GLI4: variants seen among roughly 807,000 people sequenced by gnomAD.
The protein encoded by GLI4 is zinc finger protein GLI4.
In GLI4, 34 loss-of-function variants were observed where a neutral mutation model predicts 30.9. The observed-to-expected ratio is 1.10, with a 90% CI of 0.84 to 1.47. GLI4 has a LOEUF of 1.47. Among genes scored for constraint, GLI4 ranks in the 40% most tolerant of loss-of-function variants. The pLI, the probability that GLI4 is intolerant of heterozygous loss-of-function variation, is 0.00. For synonymous variants in GLI4, 277 were observed against 236.7 expected, an observed-to-expected ratio of 1.17 and a Z score of -1.56; for missense variants, 696 against 538.9, an observed-to-expected ratio of 1.29 and a Z score of -2.89.
At chr8:143,273,865 TG>T (rs1815324684) in intron 2 of GLI4, among the ~76,000 whole-genome samples, 1 of 11,752 alleles carries the variant, frequency 8.5e-5, no homozygotes, top group Non-Finnish European at 2.5e-4. Context: ...GGCACAGCAC[TG>T]AGGGGGCAGG....
rs762672122 is a variant in GLI4, at chr8:143,274,757, C to G, written c.178C>G (p.Gln60Glu). The G allele has an allele frequency of 1.9e-6, 3 of 1,572,258 alleles. No individual in the cohort carries two copies. Among genetic ancestry groups the G allele is most frequent in the South Asian group, 2.3e-5 (2 of 86,308 alleles). Residue 60 changes from glutamine to glutamate, a missense_variant, in exon 3 of 4, where the codon CAA (glutamine) becomes GAA (glutamate). Coordinates refer to ENST00000340042, the MANE Select transcript of GLI4 (RefSeq NM_138465.4). ...CTCCCAGCCGTCCGACCTGGATCTC[C>G]AAGACGTAGAGGAAGTGGAGATCGG... ...VLSQPSDLDL[Q>E]DVEEVEIGRD...
In GLI4 at chr8:143,275,981, T is replaced by G; in HGVS notation, c.308T>G (p.Leu103Arg). Residue 103 changes from leucine to arginine, a missense_variant, in exon 4 of 4, where the codon CTC becomes CGC. Leu to Arg is a moderately radical substitution (Grantham distance 102). Coordinates refer to ENST00000340042, the MANE Select transcript of GLI4 (RefSeq NM_138465.4). ...DEGAGGALRS[L>R]LRSLPRRARC... The stretch of plus-strand genomic sequence containing the variant: ...GGGGCGGGCGGGGCGCTGCGCAGCC[T>G]CCTGAGGAGCCTTCCCCGCAGGGCC... 7.2e-7 allele frequency: 1 copy of G among 1,386,634 alleles called. No individual in the cohort carries two copies. The highest frequency in any genetic ancestry group is 9.3e-7 in the Non-Finnish European group (1 of 1,073,256). 85.9% of individuals were successfully genotyped at this position (1,386,634 alleles called of 1,614,324 possible).
At chr8:143,275,697 C>A (rs992283097) in intron 3 of GLI4, 200 bp from the exon 4 acceptor site, 3 of 1,242,252 alleles carry the variant, frequency 2.4e-6, no homozygotes, top group South Asian at 7.8e-5. Flanking sequence ...CAACGCCCCC[C>A]ACCCCTGTGT....
rs544257918 is a variant in GLI4 at position 143,276,843 on chromosome 8, C to A, written c.*39C>A. 24 of 1,298,590 alleles carry A rather than the reference C, an allele frequency of 1.8e-5. No homozygotes were observed. The East Asian group carries it at 5.7e-4, about 31-fold the overall frequency. The allele number at this position is 1,298,590 out of a possible 1,614,324, so 80.4% of individuals were successfully genotyped here. A position where few individuals can be genotyped will look rare whatever the true frequency, so the allele number is the denominator to read the frequency against. ...CGGGGCTCGGCCTCCTACCTGCCCC[C>A]AACCCACCCTCCACCCCGTCCCCCA... On this transcript the variant is annotated 3_prime_UTR_variant, in exon 4 of 4. Coordinates refer to ENST00000340042, the MANE Select transcript of GLI4 (RefSeq NM_138465.4).
At chr8:143,267,716 C>T (rs1815168589) in intron 1 of GLI4, 1 of 985,260 alleles carries the variant, frequency 1.0e-6, no homozygotes. Context: ...TAGCGGGTGT[C>T]CGTTCGCAGG....
chr8:143,273,299 G>C (rs1209430456), intron 2 of GLI4: 1 of 152,204 alleles, frequency 6.6e-6, no homozygotes, highest in Non-Finnish European at 1.5e-5. Context: ...GAGGGTATCC[G>C]AAAGACCCAA....
rs570890720 is a variant in GLI4, at chr8:143,275,915, A to C, written c.242A>C (p.Glu81Ala). The C allele has an allele frequency of 4.0e-5, 52 of 1,300,284 alleles. No homozygotes were observed. The African/African-American group carries it at 6.1e-4, about 15-fold the overall frequency. 80.5% of individuals were successfully genotyped at this position (1,300,284 alleles called of 1,614,324 possible). The part of the protein sequence containing the change: ...TFWPDSEPKP[E>A]QAPRSPGSQA... ...ATTTCAGACTCCGAGCCCAAGCCGG[A>C]GCAGGCTCCACGCTCTCCTGGCTCT... Residue 81 changes from glutamate (E) to alanine (A), a missense_variant, in exon 4 of 4, where the codon GAG becomes GCG. Coordinates refer to ENST00000340042, the MANE Select transcript of GLI4 (RefSeq NM_138465.4).
At chr8:143,275,414 G>C in intron 3 of GLI4, 2 of 1,389,048 alleles carry the variant, frequency 1.4e-6, no homozygotes, top group Non-Finnish European at 1.9e-6. Flanking sequence ...GGAAGCTCCT[G>C]GGGTGGGCAT....
chr8:143,275,185 C>T, intron 3 of GLI4: 1 of 1,535,752 alleles, frequency 6.5e-7, no homozygotes, highest in Non-Finnish European at 8.7e-7. Context: ...CCTCCTCCTG[C>T]ATCCCCTAGA....
chr8:143,268,233 G>A, intron 1 of GLI4: 1 of 273,302 alleles, frequency 3.7e-6, no homozygotes, highest in Non-Finnish European at 5.6e-6. Context: ...TGGGGTGGCG[G>A]CCGTGTGGGA....
chr8:143,275,944 GC>G lies in GLI4; in HGVS notation c.275del (p.Pro92LeufsTer13). 1 of 1,330,666 alleles carries G rather than the reference GC, an allele frequency of 7.5e-7. No homozygotes were observed. 82.4% of individuals were successfully genotyped at this position (1,330,666 alleles called of 1,614,324 possible). On this transcript the variant is annotated frameshift_variant, in exon 4 of 4. Coordinates refer to ENST00000340042, the MANE Select transcript of GLI4 (RefSeq NM_138465.4). LOFTEE classifies it low-confidence loss of function (END_TRUNC). Reference sequence around the variant, plus strand: ...GGCTCCACGCTCTCCTGGCTCTCAGGCCCCTGACGAGGGGGCGGGCGGGGCG... The same window carrying G: ...GGCTCCACGCTCTCCTGGCTCTCAGGCCCTGACGAGGGGGCGGGCGGGGCG... Reference protein sequence around the residue: ...EQAPRSPGSQAPDEGAGGALR... With the variant: ...EQAPRSPGSQXPDEGAGGALR...
chr8:143,270,053 C>T (rs1345511583), intron 2 of GLI4, among the ~76,000 whole-genome samples: 1 of 152,258 alleles, frequency 6.6e-6, no homozygotes, highest in African/African-American at 2.4e-5. Context: ...GCTCTACTCC[C>T]TCTCAGAGGT....
intron 3 of GLI4, chr8:143,275,176 C>T (rs1310149245): frequency 5.2e-6 from 8 of 1,535,822 alleles, no homozygotes; most frequent in Non-Finnish European, 6.1e-6. Flanking sequence ...GTGTCCCCTC[C>T]TCCTCCTGCA....
In GLI4 at chr8:143,275,885, T is replaced by C. The variant is rs754577811; in HGVS notation, c.224-12T>C. 6 of 1,281,012 alleles carry C rather than the reference T, an allele frequency of 4.7e-6. No individual in the cohort carries two copies. Among genetic ancestry groups the C allele is most frequent in the South Asian group, 2.8e-5 (1 of 35,992 alleles). 79.4% of individuals were successfully genotyped at this position (1,281,012 alleles called of 1,614,324 possible). A position where few individuals can be genotyped will look rare whatever the true frequency, so the allele number is the denominator to read the frequency against. ...TGCGGGTACTATCCGCCTCTGCCGT[T>C]TCTCATTTCAGACTCCGAGCCCAAG... is the stretch of plus-strand genomic sequence containing the variant. On this transcript the variant is annotated splice_polypyrimidine_tract_variant and intron_variant, in intron 3 of 3. Transcript: ENST00000340042.
Position 143,269,518 on chromosome 8 carries a change from A to G in GLI4, c.122A>G (p.His41Arg), listed in dbSNP as rs1815218906. The G allele has an allele frequency of 1.9e-6, 3 of 1,612,266 alleles. No homozygotes were observed. The highest frequency in any genetic ancestry group is 2.2e-5 in the East Asian group (1 of 44,862). The change falls in exon 2 of 4, where the codon CAT becomes CGT. Residue 41 changes from histidine (H) to arginine (R), a missense_variant and splice_region_variant. Physicochemically the swap from His to Arg is conservative, Grantham distance 29 (BLOSUM62 0). Transcript: ENST00000340042. ...CAGCTTCACCTCCATGGGCATCAACATGGTACTCACCCAGCCCGCTGTGCG... is the reference window on the plus strand; with the variant it reads ...CAGCTTCACCTCCATGGGCATCAACGTGGTACTCACCCAGCCCGCTGTGCG... ...EPQLHLHGHQ[H>R]GSPGSSPKVL...
chr8:143,268,131 C>A lies in GLI4; in HGVS notation c.-38+647C>A, dbSNP rs116173009. Reference sequence around the variant, plus strand: ...AACTAAGTAACTTGAGATGTGACTTCAGGGTGGAGGACCTGCACCCAGTGG... The same window carrying A: ...AACTAAGTAACTTGAGATGTGACTTAAGGGTGGAGGACCTGCACCCAGTGG... On this transcript the variant is annotated intron_variant, in intron 1 of 3. Coordinates refer to ENST00000340042, the MANE Select transcript of GLI4 (RefSeq NM_138465.4). 1.4e-4 allele frequency: 136 copies of A among 975,350 alleles called. No individual in the cohort carries two copies. In the African/African-American group the frequency reaches 2.2e-3, roughly 16 times the overall value. The allele number at this position is 975,350 out of a possible 1,614,324, so 60.4% of individuals were successfully genotyped here.
chr8:143,275,820 T>C, intron 3 of GLI4, 77 bp from the exon 4 acceptor site: 2 of 1,251,684 alleles, frequency 1.6e-6, no homozygotes, highest in Non-Finnish European at 1.0e-6. Flanking sequence ...AGCTCTGCTC[T>C]CACTCCCCGT....
chr8:143,271,304 C>T (rs1815263223), intron 2 of GLI4, among the ~76,000 whole-genome samples: 1 of 152,170 alleles, frequency 6.6e-6, no homozygotes, highest in African/African-American at 2.4e-5. Context: ...GGAAGGCTGT[C>T]AGGTAGCCAG....
At position 143,275,962 on chromosome 8, in the gene GLI4, G is replaced by A. The variant is rs1162353492; in HGVS notation, c.289G>A (p.Gly97Ser). The change falls in exon 4 of 4, where the codon GGC becomes AGC. Residue 97 changes from glycine (G) to serine (S), a missense_variant. By Grantham distance (56) the Gly-to-Ser change is moderately conservative. Transcript: ENST00000340042. ...CTCTCAGGCCCCTGACGAGGGGGCG[G>A]GCGGGGCGCTGCGCAGCCTCCTGAG... ...PGSQAPDEGA[G>S]GALRSLLRSL... The A allele has an allele frequency of 1.5e-6, 2 of 1,333,354 alleles. No individual in the cohort carries two copies. The highest frequency in any genetic ancestry group is 9.6e-7 in the Non-Finnish European group (1 of 1,042,446). 82.6% of individuals were successfully genotyped at this position (1,333,354 alleles called of 1,614,324 possible).
Sources: allele counts gnomAD v4.1 joint callset (sites outside exome capture counted in the v4.1 genomes callset), GRCh38; gene constraint gnomAD v4.1.1; transcripts MANE v1.5; gene names NCBI Gene and HGNC (gene_info 2026-07-23, HGNC 2026-07-21).